Variants in SGCD observed in about 807,000 individuals in gnomAD.
SGCD encodes sarcoglycan delta, also known as delta-sarcoglycan.
A neutral mutation model predicts 36.6 loss-of-function variants in SGCD; 18 were observed. The observed-to-expected ratio is 0.49, with a 90% confidence interval of 0.34 to 0.73. The LOEUF is 0.73. Ranked by LOEUF, SGCD falls within the 30% of genes least tolerant of loss-of-function variation. The probability of loss-of-function intolerance (pLI) is 0.01; values close to 1 mark genes in which losing one functional copy is unlikely to be tolerated. For missense variants in SGCD, 387 were observed against 346.7 expected (o/e 1.12, Z -0.92); for synonymous variants, 133 against 130.6 (o/e 1.02, Z -0.12).
intron 3 of SGCD, among the ~76,000 whole-genome samples, chr5:156,241,274 G>T (rs1437241186): frequency 1.3e-5 from 2 of 151,150 alleles, no homozygotes; most frequent in African/African-American, 2.5e-5. Flanking sequence ...GTGTGTGTGT[G>T]TGTGTGTGTG....
chr5:156,553,959 C>G (rs947608121), intron 4 of SGCD, among the ~76,000 whole-genome samples: 2 of 151,878 alleles, frequency 1.3e-5, no homozygotes, highest in Non-Finnish European at 2.9e-5. Flanking sequence ...TTTCAATTAT[C>G]TTGGTTATAT....
At chr5:156,084,738 G>A (rs1353749104) in intron 1 of SGCD, among the ~76,000 whole-genome samples, 2 of 152,170 alleles carry the variant, frequency 1.3e-5, no homozygotes, top group Non-Finnish European at 2.9e-5. Context: ...TGTTTAACAA[G>A]ACTGGTGATA....
intron 7 of SGCD, among the ~76,000 whole-genome samples, chr5:156,695,511 GGATA>G (rs56315334): frequency 0.073 from 10,160 of 139,750 alleles, 405 homozygotes; most frequent in South Asian, 0.088. Context: ...ATAGATAGAT[GGATA>G]GATAGATAGA....
the SGCD span, among the ~76,000 whole-genome samples, chr5:155,780,847 A>G: frequency 6.6e-6 from 1 of 152,198 alleles, no homozygotes; most frequent in African/African-American, 2.4e-5. Flanking sequence ...GGACTCTGAG[A>G]AATATAACAC....
chr5:155,732,191 T>C, the SGCD span, among the ~76,000 whole-genome samples: 2 of 152,222 alleles, frequency 1.3e-5, no homozygotes, highest in Admixed American at 6.5e-5. Context: ...TATCTGCCCA[T>C]TTAAAACTCA....
intron 4 of SGCD, among the ~76,000 whole-genome samples, chr5:156,535,849 TTG>T (rs1164313209): frequency 3.9e-5 from 6 of 152,166 alleles, no homozygotes; most frequent in Admixed American, 3.9e-4. Context: ...AAATAAGCCT[TTG>T]TGCAATAAGG....
intron 7 of SGCD, among the ~76,000 whole-genome samples, chr5:156,756,376 T>C (rs1363498321): frequency 6.6e-6 from 1 of 152,110 alleles, no homozygotes; most frequent in African/African-American, 2.4e-5. Context: ...AGCAAGACGC[T>C]ATCTCTACAA....
At chr5:155,797,070 A>G in the SGCD span, among the ~76,000 whole-genome samples, 1 of 152,184 alleles carries the variant, frequency 6.6e-6, no homozygotes, top group Non-Finnish European at 1.5e-5. Context: ...AACACTACAC[A>G]TTCTAAAGAT....
At chr5:156,748,399 G>A (rs539089082) in intron 7 of SGCD, among the ~76,000 whole-genome samples, 7 of 152,092 alleles carry the variant, frequency 4.6e-5, no homozygotes, top group East Asian at 3.9e-4. Flanking sequence ...TAAAAATTTC[G>A]GTTATATTAA....
At chr5:156,178,109 A>C (rs1763516266) in intron 3 of SGCD, among the ~76,000 whole-genome samples, 2 of 152,142 alleles carry the variant, frequency 1.3e-5, no homozygotes, top group South Asian at 2.1e-4. Flanking sequence ...TGAATATCTC[A>C]TGTAATTTAT....
chr5:156,001,434 T>C (rs73302926), intron 1 of SGCD, among the ~76,000 whole-genome samples: 8,854 of 152,262 alleles, frequency 0.058, 827 homozygotes, highest in African/African-American at 0.2. Flanking sequence ...TGTTTTATAT[T>C]TCACTGATTC....
rs78242171 is a variant in SGCD at position 156,678,613 on chromosome 5, A to G, written c.575+31077A>G. Among the ~76,000 whole-genome samples, 1,013 of 152,342 alleles carry G rather than the reference A, an allele frequency of 6.6e-3. 14 individuals are homozygous for G. Among genetic ancestry groups the G allele is most frequent in the East Asian group, 0.046 (241 of 5,188 alleles). ...TCTCGACAGTGCAGGCAGCCATTAC[A>G]TCAAAGGTGATGGTTCATTATTATT... On this transcript the variant is annotated intron_variant, in intron 7 of 8. Transcript: ENST00000337851.
At chr5:156,089,868 C>T (rs569917137) in intron 1 of SGCD, among the ~76,000 whole-genome samples, 18 of 152,246 alleles carry the variant, frequency 1.2e-4, no homozygotes, top group East Asian at 5.8e-4. Flanking sequence ...GTTTTAAAAT[C>T]GGATAAACCA....
chr5:155,998,065 CTCTACTG>C (rs1482629734), intron 1 of SGCD, among the ~76,000 whole-genome samples: 6 of 152,232 alleles, frequency 3.9e-5, no homozygotes, highest in African/African-American at 1.4e-4. Flanking sequence ...CTAGGTAGGA[CTCTACTG>C]TCTAGTGTGT....
intron 1 of SGCD, among the ~76,000 whole-genome samples, chr5:156,009,796 G>T (rs563299633): frequency 6.6e-6 from 1 of 152,078 alleles, no homozygotes; most frequent in Non-Finnish European, 1.5e-5. Context: ...TCACTCTGAC[G>T]CCACTGAACT....
At chr5:156,699,681 A>T (rs186251893) in intron 7 of SGCD, among the ~76,000 whole-genome samples, 1 of 152,212 alleles carries the variant, frequency 6.6e-6, no homozygotes, top group Non-Finnish European at 1.5e-5. Flanking sequence ...CCTAGCTGTC[A>T]GTTCAGGAAA....
chr5:156,298,576 C>CTTTTTTTTTTTTTTTTTTTTTT (rs924228753), intron 3 of SGCD, among the ~76,000 whole-genome samples: 1 of 110,520 alleles, frequency 9.0e-6, no homozygotes, highest in Non-Finnish European at 1.8e-5. Flanking sequence ...TTTTTCTTTT[C>CTTTTTTTTTTTTTTTTTTTTTT]TTTTTTTTTT....
chr5:156,491,792 G>A (rs1477354621), intron 3 of SGCD, among the ~76,000 whole-genome samples: 3 of 152,076 alleles, frequency 2.0e-5, no homozygotes, highest in Admixed American at 6.6e-5. Flanking sequence ...TATCTTATTA[G>A]TACCTGTGGT....
intron 7 of SGCD, among the ~76,000 whole-genome samples, chr5:156,746,674 C>G (rs1756950189): frequency 6.6e-6 from 1 of 152,006 alleles, no homozygotes; most frequent in African/African-American, 2.4e-5. Context: ...CTGGATAAAC[C>G]TATTAGAAAA....
Sources: allele counts gnomAD v4.1 joint callset (sites outside exome capture counted in the v4.1 genomes callset), GRCh38; gene constraint gnomAD v4.1.1; transcripts MANE v1.5; gene names NCBI Gene and HGNC (gene_info 2026-07-23, HGNC 2026-07-21).